Variants in INPP5A observed in about 807,000 individuals in gnomAD.
INPP5A encodes the protein inositol polyphosphate-5-phosphatase A.
Under a neutral mutation model 65.2 loss-of-function variants are expected in INPP5A, and 14 were observed. The ratio of observed to expected loss-of-function variants is 0.21; its 90% CI spans 0.14 to 0.34. The LOEUF is 0.34. Ranked by LOEUF, INPP5A falls within the 10% of genes least tolerant of loss-of-function variation. The probability of loss-of-function intolerance (pLI) is 1.00; values close to 1 mark genes in which losing one functional copy is unlikely to be tolerated. For missense variants in INPP5A, 431 were observed against 545.6 expected, an observed-to-expected ratio of 0.79 and a Z score of 2.09; for synonymous variants, 207 against 208.3, an observed-to-expected ratio of 0.99 and a Z score of 0.05.
At chr10:132,757,700 C>T (rs903694778) in intron 11 of INPP5A, among the ~76,000 whole-genome samples, 1 of 152,240 alleles carries the variant, frequency 6.6e-6, no homozygotes, top group African/African-American at 2.4e-5. Context: ...GGCTGGAAAG[C>T]CGAGCCCCAC....
At chr10:132,541,090 C>T (rs1038397000) in intron 1 of INPP5A, among the ~76,000 whole-genome samples, 1 of 146,282 alleles carries the variant, frequency 6.8e-6, no homozygotes, top group African/African-American at 2.5e-5. Context: ...ACCGCCCTGA[C>T]TCAGGTGAAC....
At chr10:132,703,987 CCA>C (rs1163888861) in intron 6 of INPP5A, among the ~76,000 whole-genome samples, 6 of 141,338 alleles carry the variant, frequency 4.2e-5, no homozygotes, top group East Asian at 2.1e-4. Context: ...CAAGCTTCAC[CCA>C]CACACACACG....
intron 4 of INPP5A, among the ~76,000 whole-genome samples, chr10:132,685,666 C>T (rs886668071): frequency 1.1e-4 from 16 of 152,352 alleles, no homozygotes; most frequent in Admixed American, 6.5e-4. Context: ...GCCTCTGCCC[C>T]GGCCTGAGTC....
intron 2 of INPP5A, among the ~76,000 whole-genome samples, chr10:132,618,081 A>G (rs1390219063): frequency 6.6e-6 from 1 of 152,252 alleles, no homozygotes; most frequent in Admixed American, 6.5e-5. Flanking sequence ...GATAAATTTT[A>G]AAACAGGATA....
chr10:132,572,181 C>T (rs2071350527), intron 1 of INPP5A, among the ~76,000 whole-genome samples: 1 of 152,214 alleles, frequency 6.6e-6, no homozygotes, highest in African/African-American at 2.4e-5. Context: ...CCCAGGTGTG[C>T]CGAGAGGCTG....
intron 1 of INPP5A, among the ~76,000 whole-genome samples, chr10:132,542,299 G>A (rs772344926): frequency 1.3e-5 from 2 of 152,214 alleles, no homozygotes; most frequent in African/African-American, 2.4e-5. Context: ...GAGTGGGCTC[G>A]GCAAGTGCTC....
intron 2 of INPP5A, among the ~76,000 whole-genome samples, chr10:132,636,441 A>G (rs1286293697): frequency 6.6e-6 from 1 of 152,198 alleles, no homozygotes; most frequent in Non-Finnish European, 1.5e-5. Context: ...CCACGTCACA[A>G]AACTGCACTG....
At chr10:132,703,706 A>AC (rs200245311) in intron 6 of INPP5A, among the ~76,000 whole-genome samples, 414 of 36,074 alleles carry the variant, frequency 0.011, 6 homozygotes, top group African/African-American at 0.035. Flanking sequence ...ATGCGGCTTC[A>AC]CCCCCCCCAC....
At chr10:132,695,095 A>G (rs1211266399) in intron 5 of INPP5A, among the ~76,000 whole-genome samples, 1 of 152,240 alleles carries the variant, frequency 6.6e-6, no homozygotes, top group African/African-American at 2.4e-5. Flanking sequence ...AAGGAAAACT[A>G]TGAACTGTAA....
chr10:132,570,768 A>T (rs1031758452), intron 1 of INPP5A, among the ~76,000 whole-genome samples: 12 of 152,072 alleles, frequency 7.9e-5, no homozygotes, highest in African/African-American at 2.9e-4. Flanking sequence ...CGGTGGTGAC[A>T]CTTCTGGGTG....
chr10:132,616,054 C>T lies in INPP5A; in HGVS notation c.117+8098C>T, dbSNP rs118038540. Among the ~76,000 whole-genome samples, 2,326 of 152,208 alleles carry T rather than the reference C, an allele frequency of 0.015. 32 individuals are homozygous for T. The highest frequency in any genetic ancestry group is 0.039 in the South Asian group (189 of 4,804). On this transcript the variant is annotated intron_variant, in intron 2 of 15. Transcript: ENST00000368594. This position sits in a 1 kb window ranked among gnomAD's most constrained non-coding sequence, Gnocchi z 4.9. Reference sequence around the variant, plus strand: ...TGCCGGTTCCGGGTCCTGTGGGGAGCGGTGAGGGATGGTCGTGTGCGTCGT... The same window carrying T: ...TGCCGGTTCCGGGTCCTGTGGGGAGTGGTGAGGGATGGTCGTGTGCGTCGT...
intron 8 of INPP5A, among the ~76,000 whole-genome samples, chr10:132,719,554 C>A (rs547482365): frequency 1.4e-5 from 2 of 147,642 alleles, no homozygotes; most frequent in East Asian, 4.0e-4. Flanking sequence ...TGCCTGGGTT[C>A]TGTCTGGGTG....
chr10:132,774,465 C>T (rs1847009673), intron 12 of INPP5A, among the ~76,000 whole-genome samples: 1 of 152,232 alleles, frequency 6.6e-6, no homozygotes, highest in Non-Finnish European at 1.5e-5. Context: ...CCTCTGAGCA[C>T]AGCTCGGGGA....
In INPP5A at chr10:132,637,332, T is replaced by A. The variant is rs1264309974; in HGVS notation, c.118-8536T>A. Among the ~76,000 whole-genome samples, 2 of 152,228 alleles carry A rather than the reference T, an allele frequency of 1.3e-5. No homozygotes were observed. The highest frequency in any genetic ancestry group is 3.8e-4 in the East Asian group (2 of 5,204). On this transcript the variant is annotated intron_variant, in intron 2 of 15. Coordinates refer to ENST00000368594, the MANE Select transcript of INPP5A (RefSeq NM_005539.5). This position sits in a 1 kb window ranked among gnomAD's most constrained non-coding sequence, Gnocchi z 4.1. Reference sequence around the variant, plus strand: ...AGTATTCAGTGAGCCTTTCAGTGTATAAGTGCGGGTCTTTTTCTGTTTTGA... The same window carrying A: ...AGTATTCAGTGAGCCTTTCAGTGTAAAAGTGCGGGTCTTTTTCTGTTTTGA...
intron 11 of INPP5A, among the ~76,000 whole-genome samples, chr10:132,760,199 C>A (rs528354919): frequency 6.6e-6 from 1 of 152,274 alleles, no homozygotes; most frequent in Admixed American, 6.5e-5. Context: ...GCCCCAGCAG[C>A]CCCAGGCCCT....
At chr10:132,755,291 G>A (rs909805588) in intron 11 of INPP5A, among the ~76,000 whole-genome samples, 3 of 150,698 alleles carry the variant, frequency 2.0e-5, no homozygotes, top group African/African-American at 7.3e-5. Flanking sequence ...GAGCGTGTGT[G>A]TGAGCGTGTA....
At chr10:132,699,471 G>A (rs575951956) in intron 6 of INPP5A, among the ~76,000 whole-genome samples, 196 of 152,290 alleles carry the variant, frequency 1.3e-3, no homozygotes, top group South Asian at 4.1e-3. Context: ...CCGGCACCTC[G>A]TCTCAGGACC....
intron 2 of INPP5A, among the ~76,000 whole-genome samples, chr10:132,629,910 G>A (rs758079383): frequency 2.7e-4 from 41 of 152,184 alleles, no homozygotes; most frequent in South Asian, 2.1e-3. Context: ...GTGTCCATAA[G>A]GGGAAGGCAT....
intron 2 of INPP5A, among the ~76,000 whole-genome samples, chr10:132,615,757 G>A (rs1252666769): frequency 2.0e-5 from 3 of 152,304 alleles, no homozygotes; most frequent in Middle Eastern, 3.4e-3. Flanking sequence ...GAGAAGGGGC[G>A]GGCTTTGAGG....
Sources: gnomAD v4.1 joint callset for allele counts (sites outside exome capture counted in the v4.1 genomes callset) on GRCh38, gnomAD v4.1.1 for gene constraint, Gnocchi (gnomAD v3.1) non-coding constraint, MANE v1.5 for transcripts, NCBI Gene and HGNC (gene_info 2026-07-23, HGNC 2026-07-21) for gene names.